Variants in ZEB2 observed in about 807,000 individuals in gnomAD.
ZEB2 encodes zinc finger E-box-binding homeobox 2.
A neutral mutation model predicts 99.9 loss-of-function variants in ZEB2; 6 were observed. That is an observed-to-expected ratio of 0.06 (90% confidence interval 0.03 to 0.12). The LOEUF (loss-of-function observed/expected upper bound fraction) is 0.12. Among genes scored for constraint, ZEB2 ranks in the 10% least tolerant of loss-of-function variants. The probability of loss-of-function intolerance (pLI) is 1.00; values close to 1 mark genes in which losing one functional copy is unlikely to be tolerated. For synonymous variants in ZEB2, 517 were observed against 542.5 expected (o/e 0.95, Z 0.65); for missense variants, 969 against 1,502.8 (o/e 0.64, Z 5.87).
chr2:144,504,079 GAAA>G (rs199809708), intron 2 of ZEB2: 2 of 80,284 alleles, frequency 2.5e-5, no homozygotes, highest in Admixed American at 1.3e-4. Flanking sequence ...TTAACAATTA[GAAA>G]AAAAAAAAAA....
In ZEB2 at chr2:144,517,169, G is replaced by GGGC; in HGVS notation, c.73+106_73+108dup. The GGGC allele has an allele frequency of 3.4e-6, 5 of 1,453,752 alleles. No individual in the cohort carries two copies. The South Asian group carries it at 5.7e-5, about 17-fold the overall frequency. 90.1% of individuals were successfully genotyped at this position (1,453,752 alleles called of 1,614,324 possible). On this transcript the variant is annotated intron_variant, in intron 2 of 9. Coordinates refer to ENST00000627532, the MANE Select transcript of ZEB2 (RefSeq NM_014795.4). ...GGAGGGAGGCTCGCCCTAGAGCCCT[G>GGGC]GGCGCCGCCGCCGCCGCCGCCTCGG...
intron 2 of ZEB2, among the ~76,000 whole-genome samples, chr2:144,465,315 A>G (rs1300795636): frequency 6.6e-6 from 1 of 152,086 alleles, no homozygotes; most frequent in Admixed American, 6.6e-5. Flanking sequence ...TCCATGGTGG[A>G]CAGTAACTGG....
rs570639276 is a variant in ZEB2, at chr2:144,385,862, T to A, written c.*3589A>T. On this transcript the variant is annotated 3_prime_UTR_variant, in exon 10 of 10. Transcript: ENST00000627532. ...TTATCTGATTGTGAAAAGTATCTAA[T>A]ACATTTATTCATATTTATTCAAATA... is the stretch of plus-strand genomic sequence containing the variant. The A allele has an allele frequency of 6.6e-6, 1 of 152,204 alleles. No homozygotes were observed. Among genetic ancestry groups the A allele is most frequent in the Non-Finnish European group, 1.5e-5 (1 of 68,020 alleles). The allele number at this position is 152,204 out of a possible 1,614,324, so 9.4% of individuals were successfully genotyped here.
chr2:144,497,972 A>T (rs1333397591), intron 2 of ZEB2, among the ~76,000 whole-genome samples: 202 of 2,048 alleles, frequency 0.099, 49 homozygotes, highest in African/African-American at 0.22. Context: ...TTAATATTAT[A>T]TATTATATAA....
intron 2 of ZEB2, among the ~76,000 whole-genome samples, chr2:144,488,512 G>C (rs547218730): frequency 6.6e-6 from 1 of 151,702 alleles, no homozygotes; most frequent in Non-Finnish European, 1.5e-5. Context: ...AAGGCAAACA[G>C]TATTTTCATG....
chr2:144,395,193 C>T (rs1703208433), intron 9 of ZEB2, among the ~76,000 whole-genome samples: 1 of 151,718 alleles, frequency 6.6e-6, no homozygotes, highest in Non-Finnish European at 1.5e-5. Context: ...GAGTCAAGGT[C>T]TCACTATGTT....
At position 144,424,872 on chromosome 2, in the gene ZEB2, G is replaced by A; in HGVS notation, c.332-5C>T. The stretch of plus-strand genomic sequence containing the variant: ...CATAGTCTTCCTTCATTTCTTCTGT[G>A]GGGGAAAATTATCTTTAGCATTTGA... On this transcript the variant is annotated splice_polypyrimidine_tract_variant and splice_region_variant and intron_variant, in intron 3 of 9. Transcript: ENST00000627532. 2 of 1,613,800 alleles carry A rather than the reference G, an allele frequency of 1.2e-6. No homozygotes were observed. Among genetic ancestry groups the A allele is most frequent in the East Asian group, 2.2e-5 (1 of 44,868 alleles).
chr2:144,498,212 G>A (rs559073252), intron 2 of ZEB2, among the ~76,000 whole-genome samples: 8 of 137,248 alleles, frequency 5.8e-5, no homozygotes, highest in Admixed American at 1.7e-4. Context: ...TAAGCTCATA[G>A]GGCACTACGA....
chr2:144,410,616 G>A (rs1256157150), intron 4 of ZEB2, among the ~76,000 whole-genome samples: 1 of 152,056 alleles, frequency 6.6e-6, no homozygotes, highest in Non-Finnish European at 1.5e-5. Flanking sequence ...ATGAAATATA[G>A]ACCAGATACT....
chr2:144,421,114 T>C (rs1703613445), intron 4 of ZEB2, among the ~76,000 whole-genome samples: 1 of 152,162 alleles, frequency 6.6e-6, no homozygotes, highest in Admixed American at 6.5e-5. Context: ...GGCTCAAAAA[T>C]ATGTTAACCT....
chr2:144,483,148 A>ACACACACACACATGCG lies in ZEB2; in HGVS notation c.73+34129_73+34130insCGCATGTGTGTGTGTG, dbSNP rs1553968377. 1.1e-4 allele frequency among the ~76,000 whole-genome samples: 16 copies of ACACACACACACATGCG among 144,116 alleles called. No homozygotes were observed. The East Asian group carries it at 3.3e-3, about 30-fold the overall frequency. The allele number at this position is 144,116 out of a possible 152,430, so 94.5% of individuals were successfully genotyped here. On this transcript the variant is annotated intron_variant, in intron 2 of 9. Transcript: ENST00000627532. ...CACACACACACACACACACACACAC[A>ACACACACACACATGCG]CACACACACACACACATACCCTAAG...
chr2:144,408,052 A>T (rs1703411316), intron 4 of ZEB2, among the ~76,000 whole-genome samples: 1 of 152,220 alleles, frequency 6.6e-6, no homozygotes, highest in South Asian at 2.1e-4. Flanking sequence ...ATCTAGATAC[A>T]CTACTGTTGT....
intron 2 of ZEB2, among the ~76,000 whole-genome samples, chr2:144,472,560 A>T (rs1266673451): frequency 2.0e-5 from 3 of 152,148 alleles, no homozygotes; most frequent in African/African-American, 7.2e-5. Context: ...ACTCATCACA[A>T]CAATCCATTT....
chr2:144,393,052 T>C (rs957808001), intron 9 of ZEB2, among the ~76,000 whole-genome samples: 1 of 152,190 alleles, frequency 6.6e-6, no homozygotes, highest in African/African-American at 2.4e-5. Flanking sequence ...TACCATGATG[T>C]CTCAACAGAG....
At chr2:144,475,389 G>A (rs1259470338) in intron 2 of ZEB2, among the ~76,000 whole-genome samples, 3 of 151,834 alleles carry the variant, frequency 2.0e-5, no homozygotes, top group Non-Finnish European at 4.4e-5. Context: ...ATCTCTATTC[G>A]CAACTAAAAA....
Position 144,467,326 on chromosome 2 carries a change from G to A in ZEB2, c.74-37300C>T, listed in dbSNP as rs71428033. Among the ~76,000 whole-genome samples the A allele has an allele frequency of 2.8e-3, 421 of 152,200 alleles. 2 individuals carry two copies. Among genetic ancestry groups the A allele is most frequent in the Non-Finnish European group, 5.4e-3 (367 of 68,006 alleles). On this transcript the variant is annotated intron_variant, in intron 2 of 9. Coordinates refer to ENST00000627532, the MANE Select transcript of ZEB2 (RefSeq NM_014795.4). ...CTCTCTGAACTGCTCAAATCATGTG[G>A]AATGTTAAAATGGGCTGGGAAAAAA...
At chr2:144,479,089 C>A (rs1162626664) in intron 2 of ZEB2, among the ~76,000 whole-genome samples, 4 of 152,138 alleles carry the variant, frequency 2.6e-5, no homozygotes, top group African/African-American at 9.7e-5. Context: ...CCAACTTATA[C>A]GTGTTTTTGT....
chr2:144,384,605 C>T lies in ZEB2; in HGVS notation c.*4846G>A, dbSNP rs1573703208. 2 of 142,102 alleles carry T rather than the reference C, an allele frequency of 1.4e-5. No individual in the cohort carries two copies. Among genetic ancestry groups the T allele is most frequent in the Non-Finnish European group, 1.5e-5 (1 of 64,582 alleles). The allele number at this position is 142,102 out of a possible 1,614,324, so 8.8% of individuals were successfully genotyped here. A position where few individuals can be genotyped will look rare whatever the true frequency, so the allele number is the denominator to read the frequency against. ...ACATTTTTATTTTGGGAAAGGAGGT[C>T]TTTTTTTTTTTTAACATGGATACAG... On this transcript the variant is annotated 3_prime_UTR_variant, in exon 10 of 10. Transcript: ENST00000627532.
intron 2 of ZEB2, chr2:144,464,143 G>T (rs1400707976): frequency 6.6e-6 from 1 of 152,150 alleles, no homozygotes; most frequent in East Asian, 1.9e-4. Context: ...ATATTGTGCA[G>T]TTTAAAATCA....
Sources: gnomAD v4.1 joint callset for allele counts (sites outside exome capture counted in the v4.1 genomes callset) on GRCh38, gnomAD v4.1.1 for gene constraint, MANE v1.5 for transcripts, NCBI Gene and HGNC (gene_info 2026-07-23, HGNC 2026-07-21) for gene names.